FSTL5: variants seen among roughly 807,000 people sequenced by gnomAD.
The protein encoded by FSTL5 is follistatin-related protein 5.
FSTL5 carries 62 observed loss-of-function variants against 89.1 expected under a neutral mutation model. The observed-to-expected ratio is 0.70, with a 90% CI of 0.57 to 0.86. FSTL5 has a LOEUF of 0.86. Among genes scored for constraint, FSTL5 ranks in the 40% least tolerant of loss-of-function variants. The probability of loss-of-function intolerance (pLI) is 0.00; values close to 1 mark genes in which losing one functional copy is unlikely to be tolerated. For synonymous variants in FSTL5, 383 were observed against 346.2 expected, an observed-to-expected ratio of 1.11 and a Z score of -1.18; for missense variants, 1,057 against 1,001.6, an observed-to-expected ratio of 1.06 and a Z score of -0.75.
intron 10 of FSTL5, among the ~76,000 whole-genome samples, chr4:161,526,858 T>C (rs181809338): frequency 1.9e-3 from 283 of 152,312 alleles, no homozygotes; most frequent in African/African-American, 6.7e-3. Flanking sequence ...AGCCTTGTAG[T>C]ATAGTTTGAA....
intron 3 of FSTL5, among the ~76,000 whole-genome samples, chr4:161,936,505 T>A (rs1734437365): frequency 6.6e-6 from 1 of 152,172 alleles, no homozygotes; most frequent in Non-Finnish European, 1.5e-5. Flanking sequence ...GGAACTGTCT[T>A]AGTGGCACTA....
chr4:161,501,897 A>G (rs1290744184), intron 11 of FSTL5, among the ~76,000 whole-genome samples: 3 of 152,034 alleles, frequency 2.0e-5, no homozygotes, highest in African/African-American at 7.2e-5. Context: ...TGTAAACATT[A>G]ACATATAAAT....
intron 7 of FSTL5, among the ~76,000 whole-genome samples, chr4:161,598,034 T>C (rs1175621444): frequency 1.3e-5 from 2 of 152,170 alleles, no homozygotes; most frequent in African/African-American, 4.8e-5. Context: ...GTATCAATTA[T>C]TCCTAAATTA....
intron 12 of FSTL5, 32 bp downstream of exon 12, chr4:161,499,984 T>G: frequency 7.6e-7 from 1 of 1,316,460 alleles, no homozygotes; most frequent in Non-Finnish European, 1.1e-6. Flanking sequence ...AATTTCTGCA[T>G]AAAACGTCAA....
At chr4:161,713,791 T>C (rs753029673) in intron 6 of FSTL5, among the ~76,000 whole-genome samples, 7 of 152,196 alleles carry the variant, frequency 4.6e-5, no homozygotes, top group Non-Finnish European at 7.3e-5. Flanking sequence ...CATATTTTCA[T>C]TTTTTGTAGC....
intron 3 of FSTL5, among the ~76,000 whole-genome samples, chr4:161,997,754 G>A (rs902625319): frequency 2.0e-4 from 31 of 151,246 alleles, no homozygotes; most frequent in Non-Finnish European, 3.2e-4. Flanking sequence ...AAAGGCGCCC[G>A]CCACCACGCC....
At chr4:161,620,610 C>T (rs1041526550) in intron 7 of FSTL5, among the ~76,000 whole-genome samples, 4 of 152,176 alleles carry the variant, frequency 2.6e-5, no homozygotes, top group Middle Eastern at 3.4e-3. Context: ...GAGCCGAGAT[C>T]GCGCCATTGC....
intron 1 of FSTL5, among the ~76,000 whole-genome samples, chr4:162,137,611 C>G (rs1348016299): frequency 6.6e-6 from 1 of 152,072 alleles, no homozygotes; most frequent in Non-Finnish European, 1.5e-5. Context: ...TGCTCATTAA[C>G]TGATGGATTG....
At chr4:161,782,847 A>G (rs557145473) in intron 4 of FSTL5, among the ~76,000 whole-genome samples, 131 of 152,320 alleles carry the variant, frequency 8.6e-4, no homozygotes, top group African/African-American at 3.0e-3. Context: ...GTGATTATGT[A>G]TTAGAATTTC....
At chr4:162,003,143 C>CAAA (rs547140369) in intron 3 of FSTL5, among the ~76,000 whole-genome samples, 3 of 149,850 alleles carry the variant, frequency 2.0e-5, no homozygotes, top group African/African-American at 7.4e-5. Context: ...GACTCCGTCT[C>CAAA]AAAAAAAAAG....
chr4:161,616,601 A>C (rs1447841410), intron 7 of FSTL5, among the ~76,000 whole-genome samples: 1 of 152,032 alleles, frequency 6.6e-6, no homozygotes, highest in African/African-American at 2.4e-5. Flanking sequence ...CTCCTGAATA[A>C]ACTCCCCTTT....
intron 6 of FSTL5, among the ~76,000 whole-genome samples, chr4:161,715,745 G>T (rs576511145): frequency 2.2e-4 from 34 of 152,274 alleles, no homozygotes; most frequent in Non-Finnish European, 3.7e-4. Context: ...CTCCTGTGAT[G>T]TACAGAAGCT....
At chr4:161,991,162 A>G (rs924422784) in intron 3 of FSTL5, among the ~76,000 whole-genome samples, 76 of 152,218 alleles carry the variant, frequency 5.0e-4, no homozygotes, top group Non-Finnish European at 9.1e-4. Flanking sequence ...TTAATTTCAT[A>G]TAACTTTGCA....
At chr4:161,427,691 C>G (rs1732211688) in intron 15 of FSTL5, among the ~76,000 whole-genome samples, 1 of 152,086 alleles carries the variant, frequency 6.6e-6, no homozygotes, top group African/African-American at 2.4e-5. Flanking sequence ...TTAATGGACT[C>G]AGAATAAAAC....
At chr4:162,027,468 T>C (rs1484067925) in intron 3 of FSTL5, among the ~76,000 whole-genome samples, 1 of 152,080 alleles carries the variant, frequency 6.6e-6, no homozygotes, top group African/African-American at 2.4e-5. Flanking sequence ...TACCAATTAT[T>C]ATCTTATATA....
chr4:161,568,607 G>A (rs1732897508), intron 8 of FSTL5, among the ~76,000 whole-genome samples: 1 of 151,262 alleles, frequency 6.6e-6, no homozygotes, highest in Non-Finnish European at 1.5e-5. Flanking sequence ...ATACACATTA[G>A]GAAGCAGGTC....
At chr4:161,696,222 T>C (rs1332630328) in intron 6 of FSTL5, among the ~76,000 whole-genome samples, 1 of 152,190 alleles carries the variant, frequency 6.6e-6, no homozygotes, top group Non-Finnish European at 1.5e-5. Flanking sequence ...GGGTGTCCTT[T>C]CCAGACTTTA....
At chr4:161,815,481 A>G (rs1730296334) in intron 4 of FSTL5, among the ~76,000 whole-genome samples, 1 of 152,106 alleles carries the variant, frequency 6.6e-6, no homozygotes, top group South Asian at 2.1e-4. Flanking sequence ...GTATAGCAAA[A>G]TATTTGTCTA....
intron 8 of FSTL5, among the ~76,000 whole-genome samples, chr4:161,569,750 AACACACAAACACACACACAC>A (rs1560958185): frequency 9.7e-6 from 1 of 103,272 alleles, no homozygotes; most frequent in African/African-American, 3.4e-5. Context: ...CTTTAAGTCC[AACACACAAACACACACACAC>A]ACACACACAC....
Sources: gnomAD v4.1 joint callset for allele counts (sites outside exome capture counted in the v4.1 genomes callset) on GRCh38, gnomAD v4.1.1 for gene constraint, MANE v1.5 for transcripts, NCBI Gene and HGNC (gene_info 2026-07-23, HGNC 2026-07-21) for gene names.